PTPRD: variants seen among roughly 807,000 people sequenced by gnomAD.
PTPRD encodes the protein protein tyrosine phosphatase receptor type D.
A neutral mutation model predicts 214.5 loss-of-function variants in PTPRD; 34 were observed. The observed-to-expected ratio is 0.16, with a 90% confidence interval of 0.12 to 0.21. The LOEUF (loss-of-function observed/expected upper bound fraction) is 0.21. Among genes scored for constraint, PTPRD ranks in the 10% least tolerant of loss-of-function variants. PTPRD has a pLI of 1.00. For synonymous variants in PTPRD, 1,128 were observed against 845.7 expected, an observed-to-expected ratio of 1.33 and a Z score of -5.79; for missense variants, 2,545 against 2,398.7, an observed-to-expected ratio of 1.06 and a Z score of -1.27.
At chr9:9,038,698 A>G (rs1303006445) in intron 10 of PTPRD, among the ~76,000 whole-genome samples, 1 of 151,388 alleles carries the variant, frequency 6.6e-6, no homozygotes, top group African/African-American at 2.4e-5. Flanking sequence ...GGGATTACAG[A>G]TGCCTACCAC....
At chr9:9,093,823 C>T (rs970381181) in intron 10 of PTPRD, among the ~76,000 whole-genome samples, 6 of 150,616 alleles carry the variant, frequency 4.0e-5, no homozygotes, top group South Asian at 2.1e-4. Context: ...AAATAAAGAG[C>T]GGACATAAAT....
intron 30 of PTPRD, among the ~76,000 whole-genome samples, chr9:8,480,298 CT>C (rs1237653136): frequency 6.6e-6 from 1 of 152,182 alleles, no homozygotes; most frequent in Admixed American, 6.5e-5. Flanking sequence ...CATGGCCCAG[CT>C]AACTTCCTGT....
At chr9:8,845,877 C>CAT (rs1328848220) in intron 11 of PTPRD, among the ~76,000 whole-genome samples, 1 of 152,160 alleles carries the variant, frequency 6.6e-6, no homozygotes, top group Admixed American at 6.5e-5. Flanking sequence ...TTAGGGCGGT[C>CAT]ATTTGAATAA....
At chr9:9,259,315 T>C (rs189357549) in intron 9 of PTPRD, among the ~76,000 whole-genome samples, 122 of 151,952 alleles carry the variant, frequency 8.0e-4, no homozygotes, top group African/African-American at 2.7e-3. Flanking sequence ...GAAAAAGATA[T>C]CTGCTACACA....
At chr9:9,618,737 T>G (rs892018642) in intron 7 of PTPRD, among the ~76,000 whole-genome samples, 3 of 152,070 alleles carry the variant, frequency 2.0e-5, no homozygotes, top group African/African-American at 7.2e-5. Flanking sequence ...ACTTCTGAAT[T>G]TCAGGAAAGA....
At chr9:10,079,403 G>A (rs971819015) in intron 3 of PTPRD, among the ~76,000 whole-genome samples, 6 of 152,064 alleles carry the variant, frequency 3.9e-5, no homozygotes, top group Admixed American at 2.6e-4. Flanking sequence ...ATGAAATCCC[G>A]AGGCCACCCC....
chr9:8,964,197 T>TTTTTTTTTTTG (rs2099175584), intron 11 of PTPRD, among the ~76,000 whole-genome samples: 1 of 141,312 alleles, frequency 7.1e-6, no homozygotes, highest in African/African-American at 2.6e-5. Context: ...GCTGTGTTTT[T>TTTTTTTTTTTG]TTTTTTTTTT....
intron 8 of PTPRD, among the ~76,000 whole-genome samples, chr9:9,402,105 T>C (rs2070853694): frequency 1.3e-5 from 2 of 152,036 alleles, no homozygotes; most frequent in Non-Finnish European, 2.9e-5. Context: ...TGCCAAAAAG[T>C]TGTGTCAGAT....
rs2098161511 is a variant in PTPRD at position 10,077,934 on chromosome 9, TA to T, written c.-544-44145del. ...CCACCTACCATAATGTTAGTATTAC[TA>T]TACTCTAAGTAACTTGTGGACACCA... is the stretch of plus-strand genomic sequence containing the variant. On this transcript the variant is annotated intron_variant, in intron 3 of 45. Coordinates refer to ENST00000381196, the MANE Select transcript of PTPRD (RefSeq NM_002839.4). Among the ~76,000 whole-genome samples the T allele has an allele frequency of 5.9e-5, 9 of 152,204 alleles. No homozygotes were observed. In the South Asian group the frequency reaches 1.9e-3, roughly 32 times the overall value.
chr9:9,103,300 T>G (rs1246608036), intron 10 of PTPRD, among the ~76,000 whole-genome samples: 9 of 151,150 alleles, frequency 6.0e-5, no homozygotes, highest in African/African-American at 1.9e-4. Flanking sequence ...TTTTTGTTTG[T>G]TTTTTTTTCC....
chr9:10,281,698 T>A (rs2095122031), intron 3 of PTPRD, among the ~76,000 whole-genome samples: 1 of 152,172 alleles, frequency 6.6e-6, no homozygotes, highest in African/African-American at 2.4e-5. Flanking sequence ...AATTGTTGAA[T>A]CCTTTGTAAT....
chr9:8,635,143 T>C (rs1228244561), intron 13 of PTPRD, among the ~76,000 whole-genome samples: 1 of 149,658 alleles, frequency 6.7e-6, no homozygotes, highest in African/African-American at 2.4e-5. Context: ...TACAGTTTGA[T>C]GAAGCTGCTT....
intron 9 of PTPRD, among the ~76,000 whole-genome samples, chr9:9,323,931 C>T (rs1968175676): frequency 1.3e-5 from 2 of 152,094 alleles, no homozygotes; most frequent in Non-Finnish European, 2.9e-5. Context: ...TGAATGAGAA[C>T]ATGGAGTGTT....
At chr9:9,085,913 C>T (rs1230843177) in intron 10 of PTPRD, among the ~76,000 whole-genome samples, 3 of 152,180 alleles carry the variant, frequency 2.0e-5, no homozygotes, top group Admixed American at 1.3e-4. Context: ...TTGTGTCCAA[C>T]CCTAAGCTGC....
intron 14 of PTPRD, among the ~76,000 whole-genome samples, chr9:8,629,446 C>A (rs1346036855): frequency 1.3e-5 from 2 of 151,800 alleles, no homozygotes; most frequent in Non-Finnish European, 2.9e-5. Flanking sequence ...TTGTGACCAG[C>A]AAACTAACGA....
intron 3 of PTPRD, among the ~76,000 whole-genome samples, chr9:10,336,553 G>C (rs2096846834): frequency 2.0e-5 from 3 of 151,548 alleles, no homozygotes; most frequent in Non-Finnish European, 3.0e-5. Flanking sequence ...AATACCAATA[G>C]ATCCAGAAAA....
intron 8 of PTPRD, among the ~76,000 whole-genome samples, chr9:9,547,780 T>G (rs2079138753): frequency 1.7e-5 from 2 of 120,014 alleles, no homozygotes; most frequent in South Asian, 2.4e-4. Flanking sequence ...CTAAGAAAGC[T>G]CAAATAAACA....
chr9:9,988,547 A>G (rs116881123), intron 4 of PTPRD, among the ~76,000 whole-genome samples: 1 of 152,300 alleles, frequency 6.6e-6, no homozygotes, highest in Non-Finnish European at 1.5e-5. Flanking sequence ...CTCAAAGATA[A>G]AGTGCCAGAC....
At chr9:9,951,067 TGCGTCATAA>T (rs1218836274) in intron 4 of PTPRD, among the ~76,000 whole-genome samples, 1 of 152,134 alleles carries the variant, frequency 6.6e-6, no homozygotes, top group Non-Finnish European at 1.5e-5. Flanking sequence ...GGCATGTAAA[TGCGTCATAA>T]GTACCAGGAA....
Sources: allele counts gnomAD v4.1 joint callset (sites outside exome capture counted in the v4.1 genomes callset), GRCh38; gene constraint gnomAD v4.1.1; transcripts MANE v1.5; gene names NCBI Gene and HGNC (gene_info 2026-07-23, HGNC 2026-07-21).